Variants in LRP1B observed in about 807,000 individuals in gnomAD.
LRP1B encodes low-density lipoprotein receptor-related protein 1B.
LRP1B carries 217 observed loss-of-function variants against 556.6 expected under a neutral mutation model. That is an observed-to-expected ratio of 0.39 (90% CI 0.35 to 0.44). The LOEUF (loss-of-function observed/expected upper bound fraction) is 0.44, where lower values mean the gene tolerates loss of function less well. LRP1B is among the 20% of genes least tolerant of loss of function. The pLI, the probability that LRP1B is intolerant of heterozygous loss-of-function variation, is 1.00. For synonymous variants in LRP1B, 2,047 were observed against 1,865.8 expected, an observed-to-expected ratio of 1.10 and a Z score of -2.50; for missense variants, 5,053 against 5,620.8, an observed-to-expected ratio of 0.90 and a Z score of 3.23.
chr2:141,689,257 G>A (rs532321991), intron 2 of LRP1B, among the ~76,000 whole-genome samples: 1 of 151,850 alleles, frequency 6.6e-6, no homozygotes, highest in Non-Finnish European at 1.5e-5. Flanking sequence ...GAGGAATTAA[G>A]GAAAATGCAA....
chr2:140,907,838 G>A (rs1432794573), intron 22 of LRP1B, 39 bp downstream of exon 22: 1 of 1,574,094 alleles, frequency 6.4e-7, no homozygotes, highest in Admixed American at 1.7e-5. Context: ...AAAGGTTGTA[G>A]TTTTCATGGA....
At chr2:140,269,315 C>G (rs1031722855) in intron 86 of LRP1B, 1 of 471,066 alleles carries the variant, frequency 2.1e-6, no homozygotes, top group Non-Finnish European at 4.4e-6. Context: ...TCCCCTCATT[C>G]TGACAGTAGT....
intron 1 of LRP1B, among the ~76,000 whole-genome samples, chr2:141,970,628 G>T (rs1432707511): frequency 2.0e-5 from 3 of 151,426 alleles, no homozygotes; most frequent in Non-Finnish European, 4.4e-5. Context: ...TATGCCATCA[G>T]CTCAAGGCTA....
intron 1 of LRP1B, among the ~76,000 whole-genome samples, chr2:141,945,059 T>C (rs1223036648): frequency 6.6e-6 from 1 of 152,246 alleles, no homozygotes; most frequent in Non-Finnish European, 1.5e-5. Flanking sequence ...GTTATATTTT[T>C]GTTGTCCTTT....
In LRP1B at chr2:141,231,091, G is replaced by T. The variant is rs192277591; in HGVS notation, c.593-1651C>A. Among the ~76,000 whole-genome samples the T allele has an allele frequency of 1.6e-3, 240 of 152,310 alleles. 1 individual carries two copies. Among genetic ancestry groups the T allele is most frequent in the Non-Finnish European group, 2.7e-3 (184 of 68,026 alleles). Reference sequence around the variant, plus strand: ...ATTTAACCTATGAAGGGAATTCAGAGTATGACTAGCTATTCAGAAAATTTC... The same window carrying T: ...ATTTAACCTATGAAGGGAATTCAGATTATGACTAGCTATTCAGAAAATTTC... On this transcript the variant is annotated intron_variant, in intron 5 of 90. Coordinates refer to ENST00000389484, the MANE Select transcript of LRP1B (RefSeq NM_018557.3).
intron 2 of LRP1B, among the ~76,000 whole-genome samples, chr2:141,616,946 A>C (rs1688322736): frequency 6.6e-6 from 1 of 152,184 alleles, no homozygotes; most frequent in Admixed American, 6.5e-5. Flanking sequence ...TCATTCAAAG[A>C]GCAGTCCTCT....
chr2:140,567,624 C>T (rs1014635201), intron 43 of LRP1B, among the ~76,000 whole-genome samples: 2 of 152,114 alleles, frequency 1.3e-5, no homozygotes, highest in Non-Finnish European at 2.9e-5. Context: ...GACCCAGGTG[C>T]CAAAGTAGGT....
At chr2:140,364,513 T>C (rs911518684) in intron 72 of LRP1B, 148 bp downstream of exon 72, 1 of 907,474 alleles carries the variant, frequency 1.1e-6, no homozygotes, top group Non-Finnish European at 1.6e-6. Context: ...CTTTATTACC[T>C]GAACAAAAGC....
At position 140,299,375 on chromosome 2, in the gene LRP1B, A is replaced by G. The variant is rs188348650; in HGVS notation, c.12806-1406T>C. Among the ~76,000 whole-genome samples the G allele has an allele frequency of 4.0e-3, 603 of 152,252 alleles. 1 individual carries two copies. Among genetic ancestry groups the G allele is most frequent in the Admixed American group, 8.1e-3 (124 of 15,284 alleles). On this transcript the variant is annotated intron_variant, in intron 83 of 90. Transcript: ENST00000389484. Reference sequence around the variant, plus strand: ...AGAGACTGATGCTCTAAATGAACAAAGTAATATACATTTTTATGGTGAGTA... The same window carrying G: ...AGAGACTGATGCTCTAAATGAACAAGGTAATATACATTTTTATGGTGAGTA...
intron 3 of LRP1B, among the ~76,000 whole-genome samples, chr2:141,301,403 T>C (rs899676370): frequency 1.2e-4 from 18 of 152,200 alleles, no homozygotes; most frequent in Non-Finnish European, 4.4e-5. Context: ...TATCAAGATA[T>C]TATAATGTCA....
At chr2:141,342,586 C>T (rs1243983758) in intron 3 of LRP1B, among the ~76,000 whole-genome samples, 2 of 151,678 alleles carry the variant, frequency 1.3e-5, no homozygotes, top group Non-Finnish European at 1.5e-5. Context: ...ACACAAGTAT[C>T]GATAGCCGAA....
At chr2:141,209,340 T>A (rs1422345516) in intron 6 of LRP1B, among the ~76,000 whole-genome samples, 1 of 152,150 alleles carries the variant, frequency 6.6e-6, no homozygotes, top group Non-Finnish European at 1.5e-5. Context: ...TGCTGGGCAC[T>A]TCTCCTTGCT....
chr2:141,946,332 G>T (rs1217177158), intron 1 of LRP1B, among the ~76,000 whole-genome samples: 5 of 152,090 alleles, frequency 3.3e-5, no homozygotes, highest in African/African-American at 4.8e-5. Flanking sequence ...ATAATTTAGA[G>T]AAATTTTAGT....
chr2:140,922,488 C>T (rs1694766565), intron 21 of LRP1B, among the ~76,000 whole-genome samples: 3 of 151,928 alleles, frequency 2.0e-5, no homozygotes, highest in East Asian at 1.9e-4. Context: ...AAAATAAATA[C>T]ATATAATTCT....
intron 3 of LRP1B, among the ~76,000 whole-genome samples, chr2:141,445,925 C>G (rs1451175746): frequency 6.6e-6 from 1 of 152,142 alleles, no homozygotes; most frequent in East Asian, 1.9e-4. Flanking sequence ...CTGTAGATGT[C>G]TATTAGGTCC....
rs73961456 is a variant in LRP1B at position 140,723,399 on chromosome 2, C to T, written c.5759-6583G>A. Among the ~76,000 whole-genome samples the T allele has an allele frequency of 4.9e-3, 742 of 151,914 alleles. 7 individuals are homozygous for T. Among genetic ancestry groups the T allele is most frequent in the African/African-American group, 0.017 (695 of 41,394 alleles). ...CAAATAGTAGCAAGTGCAACATGGG[C>T]AAGGAAAAAATTTTGAAGATGAAAA... On this transcript the variant is annotated intron_variant, in intron 35 of 90. Coordinates refer to ENST00000389484, the MANE Select transcript of LRP1B (RefSeq NM_018557.3).
intron 32 of LRP1B, among the ~76,000 whole-genome samples, chr2:140,803,667 C>A (rs1690605171): frequency 6.6e-6 from 1 of 151,928 alleles, no homozygotes; most frequent in African/African-American, 2.4e-5. Context: ...AAAACATCAA[C>A]AATAAACACA....
At chr2:141,302,067 T>C (rs1213285667) in intron 3 of LRP1B, among the ~76,000 whole-genome samples, 7 of 152,016 alleles carry the variant, frequency 4.6e-5, no homozygotes, top group Admixed American at 1.3e-4. Context: ...AGCCACAAGG[T>C]ATTTCTGGAA....
At chr2:141,385,600 T>C (rs2104895416) in intron 3 of LRP1B, among the ~76,000 whole-genome samples, 1 of 42,740 alleles carries the variant, frequency 2.3e-5, no homozygotes, top group East Asian at 6.6e-4. Flanking sequence ...AAAAGGTGAC[T>C]TCTAAGATAA....
Sources: allele counts gnomAD v4.1 joint callset (sites outside exome capture counted in the v4.1 genomes callset), GRCh38; gene constraint gnomAD v4.1.1; transcripts MANE v1.5; gene names NCBI Gene and HGNC (gene_info 2026-07-23, HGNC 2026-07-21).